Variants in SSBP3 observed in about 807,000 individuals in gnomAD.
The protein encoded by SSBP3 is single-stranded DNA-binding protein 3.
Under a neutral mutation model 69.6 loss-of-function variants are expected in SSBP3, and 5 were observed. The observed-to-expected ratio is 0.07, with a 90% confidence interval of 0.04 to 0.15. The LOEUF is 0.15. SSBP3 is among the 10% of genes least tolerant of loss of function. SSBP3 has a pLI of 1.00. For missense variants in SSBP3, 312 were observed against 534.0 expected (o/e 0.58, Z 4.10); for synonymous variants, 196 against 193.4 (o/e 1.01, Z -0.11).
chr1:54,272,466 C>T (rs2100825302), intron 5 of SSBP3, among the ~76,000 whole-genome samples: 1 of 148,652 alleles, frequency 6.7e-6, no homozygotes, highest in Non-Finnish European at 1.5e-5. Context: ...GCTACAAGGG[C>T]TAAGGAATTT....
At chr1:54,364,623 G>A (rs1437318350) in intron 4 of SSBP3, among the ~76,000 whole-genome samples, 2 of 152,196 alleles carry the variant, frequency 1.3e-5, no homozygotes, top group Non-Finnish European at 2.9e-5. Flanking sequence ...TGTGAAAAAT[G>A]GGGAGGGGAA....
At chr1:54,235,653 A>T (rs1424808315) in intron 14 of SSBP3, among the ~76,000 whole-genome samples, 1 of 151,684 alleles carries the variant, frequency 6.6e-6, no homozygotes, top group Non-Finnish European at 1.5e-5. Context: ...GGGTTTCACC[A>T]TGTTGGTCAG....
At chr1:54,247,613 G>A (rs564916326) in intron 9 of SSBP3, among the ~76,000 whole-genome samples, 2 of 152,128 alleles carry the variant, frequency 1.3e-5, no homozygotes, top group Non-Finnish European at 2.9e-5. Context: ...TCCTTCATCT[G>A]AACTCTCAAA....
intron 4 of SSBP3, among the ~76,000 whole-genome samples, chr1:54,335,544 C>T (rs1646493880): frequency 6.6e-6 from 1 of 152,200 alleles, no homozygotes; most frequent in South Asian, 2.1e-4. Context: ...AAGGCTAGGG[C>T]TGAAGATCAT....
intron 5 of SSBP3, among the ~76,000 whole-genome samples, chr1:54,273,198 T>C (rs3766423): frequency 1.3e-5 from 2 of 152,232 alleles, no homozygotes; most frequent in African/African-American, 2.4e-5. Flanking sequence ...GCGGCAGACA[T>C]TGATTTATGT....
At chr1:54,313,562 T>C (rs960851133) in intron 4 of SSBP3, among the ~76,000 whole-genome samples, 3 of 151,278 alleles carry the variant, frequency 2.0e-5, no homozygotes, top group Non-Finnish European at 4.4e-5. Flanking sequence ...GCTATGCCTA[T>C]GCTTTTTGAC....
At chr1:54,241,325 G>T (rs1478301862) in intron 12 of SSBP3, 149 bp downstream of exon 12, 4 of 950,134 alleles carry the variant, frequency 4.2e-6, no homozygotes, top group Non-Finnish European at 5.0e-6. Context: ...CTGTACAGAT[G>T]ACTGAATATT....
At position 54,239,067 on chromosome 1, in the gene SSBP3, G is replaced by A. The variant is rs369737592; in HGVS notation, c.927+62C>T. On this transcript the variant is annotated intron_variant, in intron 14 of 17. Transcript: ENST00000610401. ...AATTAAACTTGCTTTCCCCTCAGCTGATGAAGTTAATTATGATTTGTTATG... is the reference window on the plus strand; with the variant it reads ...AATTAAACTTGCTTTCCCCTCAGCTAATGAAGTTAATTATGATTTGTTATG... 8 of 1,393,886 alleles carry A rather than the reference G, an allele frequency of 5.7e-6. No individual in the cohort carries two copies. The African/African-American group carries it at 1.0e-4, about 17-fold the overall frequency. 86.3% of individuals were successfully genotyped at this position (1,393,886 alleles called of 1,614,324 possible). A position where few individuals can be genotyped will look rare whatever the true frequency, so the allele number is the denominator to read the frequency against.
chr1:54,323,144 A>G (rs933587327), intron 4 of SSBP3, among the ~76,000 whole-genome samples: 3 of 152,108 alleles, frequency 2.0e-5, no homozygotes, highest in African/African-American at 7.2e-5. Context: ...AGCTCACAGA[A>G]CCAATGGACA....
At chr1:54,269,752 A>G (rs1645161744) in intron 5 of SSBP3, among the ~76,000 whole-genome samples, 1 of 152,238 alleles carries the variant, frequency 6.6e-6, no homozygotes, top group Non-Finnish European at 1.5e-5. Context: ...GAGAGCCAGC[A>G]GCTCTGGTGC....
chr1:54,397,440 C>T (rs773807605), intron 4 of SSBP3, among the ~76,000 whole-genome samples: 6 of 152,226 alleles, frequency 3.9e-5, no homozygotes, highest in Non-Finnish European at 7.3e-5. Context: ...TGCCTGCCCA[C>T]GCCCATGACT....
chr1:54,369,312 TG>T (rs60597425), intron 4 of SSBP3, among the ~76,000 whole-genome samples: 4 of 42,884 alleles, frequency 9.3e-5, no homozygotes, highest in Non-Finnish European at 9.7e-5. Context: ...GGGACGGGGG[TG>T]GGGGGGCACA....
At chr1:54,350,904 T>C (rs951216214) in intron 4 of SSBP3, among the ~76,000 whole-genome samples, 1 of 152,096 alleles carries the variant, frequency 6.6e-6, no homozygotes, top group South Asian at 2.1e-4. Flanking sequence ...GGTGCAATCA[T>C]AGCCTCAACC....
chr1:54,363,038 G>A (rs1327921707), intron 4 of SSBP3, among the ~76,000 whole-genome samples: 3 of 152,098 alleles, frequency 2.0e-5, no homozygotes, highest in South Asian at 2.1e-4. Flanking sequence ...GAAAGAGGGT[G>A]CAGTCCTCCC....
intron 4 of SSBP3, among the ~76,000 whole-genome samples, chr1:54,315,026 T>C (rs1446081242): frequency 2.0e-5 from 3 of 152,220 alleles, no homozygotes; most frequent in South Asian, 4.1e-4. Context: ...CATATAGAAA[T>C]TCCCCGCGTG....
chr1:54,225,545 T>C (rs975081681), exon 18 of SSBP3: 19 of 795,196 alleles, frequency 2.4e-5, no homozygotes, highest in Middle Eastern at 4.0e-4. Flanking sequence ...GACTACAAGG[T>C]AAGAAAAAAC....
intron 3 of SSBP3, among the ~76,000 whole-genome samples, chr1:54,404,028 G>C (rs1649501007): frequency 7.8e-6 from 1 of 128,546 alleles, no homozygotes; most frequent in African/African-American, 2.9e-5. Flanking sequence ...GGGGAGGGGG[G>C]CGGGGAGCTC....
At chr1:54,283,742 A>T (rs558890679) in intron 4 of SSBP3, among the ~76,000 whole-genome samples, 41 of 152,248 alleles carry the variant, frequency 2.7e-4, no homozygotes, top group Non-Finnish European at 5.4e-4. Flanking sequence ...TAATGTGTAC[A>T]AGTTTCAAGC....
chr1:54,283,560 T>C (rs1457571256), intron 4 of SSBP3, among the ~76,000 whole-genome samples: 1 of 152,206 alleles, frequency 6.6e-6, no homozygotes, highest in Non-Finnish European at 1.5e-5. Context: ...GGGCTGTGTT[T>C]TGTAAGCTGG....
Sources: gnomAD v4.1 joint callset for allele counts (sites outside exome capture counted in the v4.1 genomes callset) on GRCh38, gnomAD v4.1.1 for gene constraint, MANE v1.5 for transcripts, NCBI Gene and HGNC (gene_info 2026-07-23, HGNC 2026-07-21) for gene names.